The following RFX3 variants were observed in gnomAD, a reference collection of about 807,000 sequenced individuals.
The protein encoded by RFX3 is transcription factor RFX3.
Under a neutral mutation model 98.6 loss-of-function variants are expected in RFX3, and 14 were observed. The ratio of observed to expected loss-of-function variants is 0.14; its 90% confidence interval spans 0.09 to 0.22. The LOEUF (loss-of-function observed/expected upper bound fraction) is 0.22. Ranked by LOEUF, RFX3 falls within the 10% of genes least tolerant of loss-of-function variation. The probability of loss-of-function intolerance (pLI) is 1.00; values close to 1 mark genes in which losing one functional copy is unlikely to be tolerated. For synonymous variants in RFX3, 383 were observed against 328.4 expected (o/e 1.17, Z -1.80); for missense variants, 639 against 926.9 (o/e 0.69, Z 4.03).
At chr9:3,299,941 C>G (rs1162382733) in intron 5 of RFX3, among the ~76,000 whole-genome samples, 1 of 150,368 alleles carries the variant, frequency 6.7e-6, no homozygotes, top group Non-Finnish European at 1.5e-5. Context: ...AAAAATGAAC[C>G]CTGAGTTGAA....
intron 16 of RFX3, among the ~76,000 whole-genome samples, chr9:3,227,894 T>C (rs568088673): frequency 3.9e-4 from 59 of 152,318 alleles, no homozygotes; most frequent in Admixed American, 7.2e-4. Context: ...CTTTGGCGAA[T>C]AGCGCCGAAC....
intron 2 of RFX3, among the ~76,000 whole-genome samples, chr9:3,351,630 G>C (rs1224266130): frequency 6.6e-6 from 1 of 151,872 alleles, no homozygotes; most frequent in East Asian, 1.9e-4. Flanking sequence ...AATAAAAAAA[G>C]AACTAAAACA....
At chr9:3,387,526 T>A (rs1587454632) in intron 2 of RFX3, among the ~76,000 whole-genome samples, 1 of 152,102 alleles carries the variant, frequency 6.6e-6, no homozygotes, top group East Asian at 1.9e-4. Flanking sequence ...CCATTGTAAA[T>A]CAGCATGGTC....
intron 1 of RFX3, among the ~76,000 whole-genome samples, chr9:3,476,727 G>C (rs998034421): frequency 3.3e-5 from 5 of 152,234 alleles, no homozygotes; most frequent in South Asian, 2.1e-4. Context: ...TAAATAACTG[G>C]AGAAAAAAAT....
At chr9:3,469,015 AGT>A in intron 1 of RFX3, 2 of 333,346 alleles carry the variant, frequency 6.0e-6, no homozygotes, top group South Asian at 5.1e-5. Flanking sequence ...CTCTCTAATT[AGT>A]GTAGCCAAAA....
chr9:3,480,591 A>C (rs1288972329), intron 1 of RFX3, among the ~76,000 whole-genome samples: 6 of 152,172 alleles, frequency 3.9e-5, no homozygotes, highest in Non-Finnish European at 1.5e-5. Context: ...ACAAGAAACT[A>C]TAAAATGGCT....
chr9:3,382,298 A>G (rs1211387508), intron 2 of RFX3, among the ~76,000 whole-genome samples: 2 of 152,234 alleles, frequency 1.3e-5, no homozygotes, highest in Non-Finnish European at 2.9e-5. Context: ...AAAAAGATGA[A>G]AAGTTGTACC....
chr9:3,309,239 CAAG>C (rs1462842451), intron 4 of RFX3, among the ~76,000 whole-genome samples: 2 of 151,990 alleles, frequency 1.3e-5, no homozygotes, highest in East Asian at 1.9e-4. Context: ...TCAGAAAGGG[CAAG>C]GGAGATGTCG....
At chr9:3,442,639 T>C (rs1845704647) in intron 1 of RFX3, among the ~76,000 whole-genome samples, 2 of 152,184 alleles carry the variant, frequency 1.3e-5, no homozygotes. Flanking sequence ...TCATGCTTAT[T>C]TAAAACGTTC....
intron 1 of RFX3, chr9:3,420,993 C>G: frequency 2.0e-6 from 1 of 504,664 alleles, no homozygotes; most frequent in Non-Finnish European, 2.5e-6. Flanking sequence ...TGTGGACTCT[C>G]AGAGATAAAT....
intron 2 of RFX3, among the ~76,000 whole-genome samples, chr9:3,370,942 G>A (rs1837775578): frequency 6.6e-6 from 1 of 151,924 alleles, no homozygotes; most frequent in Non-Finnish European, 1.5e-5. Flanking sequence ...AATATCTGTG[G>A]GAGTAATGAC....
At chr9:3,343,319 G>T (rs757730328) in intron 3 of RFX3, among the ~76,000 whole-genome samples, 1 of 152,138 alleles carries the variant, frequency 6.6e-6, no homozygotes, top group African/African-American at 2.4e-5. Flanking sequence ...TCTTCTGGAA[G>T]TATCATTAGC....
chr9:3,437,340 C>T (rs960274755), intron 1 of RFX3, among the ~76,000 whole-genome samples: 1 of 152,034 alleles, frequency 6.6e-6, no homozygotes, highest in East Asian at 1.9e-4. Context: ...TATAGACATT[C>T]AACTGTTTGA....
chr9:3,368,393 A>G (rs569379552), intron 2 of RFX3, among the ~76,000 whole-genome samples: 9 of 152,292 alleles, frequency 5.9e-5, no homozygotes, highest in Middle Eastern at 3.4e-3. Context: ...TTTAAAACAA[A>G]AGAATAAATA....
intron 4 of RFX3, among the ~76,000 whole-genome samples, chr9:3,313,103 G>C (rs917439348): frequency 1.4e-4 from 22 of 152,216 alleles, no homozygotes; most frequent in African/African-American, 5.3e-4. Flanking sequence ...GCGTAACTGA[G>C]AGACACTTCC....
chr9:3,342,222 C>T (rs1833966859), intron 3 of RFX3, among the ~76,000 whole-genome samples: 1 of 152,148 alleles, frequency 6.6e-6, no homozygotes, highest in Non-Finnish European at 1.5e-5. Context: ...TACTCAGGTA[C>T]AAGTATTCTC....
intron 3 of RFX3, among the ~76,000 whole-genome samples, chr9:3,340,133 G>A (rs890364163): frequency 7.2e-5 from 11 of 152,170 alleles, no homozygotes; most frequent in South Asian, 6.2e-4. Flanking sequence ...GACAAACCTG[G>A]CAAAAACAAG....
chr9:3,417,420 C>G (rs1217290671), intron 1 of RFX3, among the ~76,000 whole-genome samples: 1 of 152,100 alleles, frequency 6.6e-6, no homozygotes, highest in Non-Finnish European at 1.5e-5. Flanking sequence ...ACAGACCATA[C>G]CTGATCACAA....
At chr9:3,241,282 A>G (rs1311582415) in intron 15 of RFX3, among the ~76,000 whole-genome samples, 1 of 151,722 alleles carries the variant, frequency 6.6e-6, no homozygotes, top group Non-Finnish European at 1.5e-5. Flanking sequence ...GAAATCCAAG[A>G]AGACGTCCTA....
Sources: gnomAD v4.1 joint callset for allele counts (sites outside exome capture counted in the v4.1 genomes callset) on GRCh38, gnomAD v4.1.1 for gene constraint, MANE v1.5 for transcripts, NCBI Gene and HGNC (gene_info 2026-07-23, HGNC 2026-07-21) for gene names.